DAW1: variants seen among roughly 807,000 people sequenced by gnomAD.
The protein encoded by DAW1 is dynein assembly factor with WD repeat domains 1.
A neutral mutation model predicts 56.5 loss-of-function variants in DAW1; 47 were observed. The observed-to-expected ratio is 0.83, with a 90% confidence interval of 0.66 to 1.06. The LOEUF (loss-of-function observed/expected upper bound fraction) is 1.06, where lower values mean the gene tolerates loss of function less well. DAW1 is among the 50% of genes least tolerant of loss of function. The probability of loss-of-function intolerance (pLI) is 0.00; values close to 1 mark genes in which losing one functional copy is unlikely to be tolerated. For synonymous variants in DAW1, 190 were observed against 179.0 expected (o/e 1.06, Z -0.49); for missense variants, 505 against 499.3 (o/e 1.01, Z -0.11).
At chr2:227,894,680 T>C (rs1691364590) in intron 5 of DAW1, among the ~76,000 whole-genome samples, 1 of 152,138 alleles carries the variant, frequency 6.6e-6, no homozygotes, top group South Asian at 2.1e-4. Context: ...TAAATAACAA[T>C]ACCAAGTACA....
chr2:227,889,375 A>G (rs983899824), intron 2 of DAW1: 1 of 152,354 alleles, frequency 6.6e-6, no homozygotes, highest in African/African-American at 2.4e-5. Context: ...GCGTCTTCAC[A>G]TGGCAGAGGG....
chr2:227,907,310 C>A, intron 10 of DAW1, 58 bp downstream of exon 10: 1 of 1,402,570 alleles, frequency 7.1e-7, no homozygotes. Context: ...GCTTGATAAC[C>A]ATGCATAATT....
At position 227,871,656 on chromosome 2, in the gene DAW1, G is replaced by T. The variant is rs1445089995; in HGVS notation, c.-34G>T. On this transcript the variant is annotated 5_prime_UTR_variant, in exon 1 of 13. Coordinates refer to ENST00000309931, the MANE Select transcript of DAW1 (RefSeq NM_178821.3). ...GCTGTTTAGCCGTTTCCAAGGCTACGAAGCCCATCGGCCGGGGATAAGAGA... is the reference window on the plus strand; with the variant it reads ...GCTGTTTAGCCGTTTCCAAGGCTACTAAGCCCATCGGCCGGGGATAAGAGA... 6.2e-7 allele frequency: 1 copy of T among 1,610,290 alleles called. No homozygotes were observed. The highest frequency in any genetic ancestry group is 8.5e-7 in the Non-Finnish European group (1 of 1,178,246).
intron 8 of DAW1, among the ~76,000 whole-genome samples, chr2:227,905,880 G>A (rs1969421): frequency 0.39 from 59,787 of 151,824 alleles, 13,144 homozygotes; most frequent in Admixed American, 0.54. Context: ...TCAGCCTCCC[G>A]ATTAGCAGGG....
At chr2:227,920,284 A>G (rs1038704129) in intron 11 of DAW1, among the ~76,000 whole-genome samples, 2 of 152,220 alleles carry the variant, frequency 1.3e-5, no homozygotes, top group African/African-American at 2.4e-5. Flanking sequence ...GTATTCACTC[A>G]TTCAACAAAC....
chr2:227,919,797 T>C (rs1252620152), intron 11 of DAW1, among the ~76,000 whole-genome samples: 1 of 152,176 alleles, frequency 6.6e-6, no homozygotes, highest in Non-Finnish European at 1.5e-5. Flanking sequence ...AATCCCTTGG[T>C]TCCCTGTCTG....
intron 10 of DAW1, among the ~76,000 whole-genome samples, chr2:227,916,470 A>T (rs1691954783): frequency 6.6e-6 from 1 of 152,076 alleles, no homozygotes; most frequent in African/African-American, 2.4e-5. Flanking sequence ...ATTCTCTTTG[A>T]TAGTCACGTA....
intron 10 of DAW1, among the ~76,000 whole-genome samples, chr2:227,908,964 A>C (rs984054856): frequency 6.6e-6 from 1 of 152,198 alleles, no homozygotes; most frequent in African/African-American, 2.4e-5. Flanking sequence ...TCTGTTATCT[A>C]TCTGATGACC....
chr2:227,917,060 CAT>C (rs1400457394), intron 10 of DAW1, among the ~76,000 whole-genome samples: 1 of 152,090 alleles, frequency 6.6e-6, no homozygotes, highest in East Asian at 1.9e-4. Flanking sequence ...TCTCTGACAA[CAT>C]GTGACACTAA....
At chr2:227,897,919 T>A (rs1326748191) in intron 5 of DAW1, among the ~76,000 whole-genome samples, 1 of 152,084 alleles carries the variant, frequency 6.6e-6, no homozygotes, top group East Asian at 1.9e-4. Context: ...TTTGCTACAT[T>A]CATTAAACTC....
At chr2:227,874,103 G>A (rs1690818382) in intron 1 of DAW1, among the ~76,000 whole-genome samples, 1 of 152,068 alleles carries the variant, frequency 6.6e-6, no homozygotes, top group Admixed American at 6.5e-5. Flanking sequence ...TTTGCCCATA[G>A]GCCTGTGCTG....
intron 10 of DAW1, among the ~76,000 whole-genome samples, chr2:227,910,347 C>T (rs1691784971): frequency 6.6e-6 from 1 of 151,974 alleles, no homozygotes; most frequent in Non-Finnish European, 1.5e-5. Context: ...GTGGCATGCA[C>T]CTGTAGACCT....
rs556409280 is a variant in DAW1, at chr2:227,921,305, C to CTTTTTTTTTTTTT, written c.1051-78_1051-66dup. The CTTTTTTTTTTTTT allele has an allele frequency of 5.8e-5, 25 of 433,808 alleles. 1 individual carries two copies. In the African/African-American group the frequency reaches 1.0e-3, roughly 18 times the overall value. The allele number at this position is 433,808 out of a possible 1,614,324, so 26.9% of individuals were successfully genotyped here. On this transcript the variant is annotated intron_variant, in intron 11 of 12. Coordinates refer to ENST00000309931, the MANE Select transcript of DAW1 (RefSeq NM_178821.3). ...GGAAGGTGACATGTGCTGTAATGTC[C>CTTTTTTTTTTTTT]TTTTTTTTTTTTTTTTTTTTTTTTT... is the stretch of plus-strand genomic sequence containing the variant.
chr2:227,873,143 T>A (rs564016008), intron 1 of DAW1, among the ~76,000 whole-genome samples: 1 of 152,308 alleles, frequency 6.6e-6, no homozygotes, highest in East Asian at 1.9e-4. Flanking sequence ...CAGCTTTCCC[T>A]AGAGCTAGGA....
chr2:227,917,178 G>GTCTA (rs1553604102), intron 10 of DAW1, among the ~76,000 whole-genome samples: 3 of 133,422 alleles, frequency 2.2e-5, no homozygotes, highest in African/African-American at 8.4e-5. Context: ...CTGTCTGTCT[G>GTCTA]TCTATCTATG....
Position 227,917,137 on chromosome 2 carries a change from T to C in DAW1, c.974-1643T>C, listed in dbSNP as rs1437588779. Among the ~76,000 whole-genome samples, 394 of 137,794 alleles carry C rather than the reference T, an allele frequency of 2.9e-3. 3 individuals carry two copies. The highest frequency in any genetic ancestry group is 0.011 in the African/African-American group (374 of 34,216). The allele number at this position is 137,794 out of a possible 152,430, so 90.4% of individuals were successfully genotyped here. A position where few individuals can be genotyped will look rare whatever the true frequency, so the allele number is the denominator to read the frequency against. The stretch of plus-strand genomic sequence containing the variant: ...GTATCTATCTATCTATCTATCTATC[T>C]ATCTATCTGTCTGTCTGTCTGTCTG... On this transcript the variant is annotated intron_variant, in intron 10 of 12. Transcript: ENST00000309931.
At chr2:227,922,113 A>G (rs1692124027) in intron 12 of DAW1, among the ~76,000 whole-genome samples, 1 of 152,362 alleles carries the variant, frequency 6.6e-6, no homozygotes, top group Non-Finnish European at 1.5e-5. Flanking sequence ...TGATCAGGCC[A>G]CTGCACTCCA....
intron 1 of DAW1, among the ~76,000 whole-genome samples, chr2:227,884,717 C>G (rs1035311457): frequency 1.3e-5 from 2 of 152,160 alleles, no homozygotes; most frequent in Non-Finnish European, 2.9e-5. Flanking sequence ...CAGGGCTTTG[C>G]TGAGGCTGCC....
At chr2:227,913,877 ATCTATCTG>A (rs375570381) in intron 10 of DAW1, among the ~76,000 whole-genome samples, 1,822 of 97,208 alleles carry the variant, frequency 0.019, 26 homozygotes, top group African/African-American at 0.06. Context: ...CATCATATCT[ATCTATCTG>A]TCTGTCTGTC....
Sources: allele counts gnomAD v4.1 joint callset (sites outside exome capture counted in the v4.1 genomes callset), GRCh38; gene constraint gnomAD v4.1.1; transcripts MANE v1.5; gene names NCBI Gene and HGNC (gene_info 2026-07-23, HGNC 2026-07-21).